The following CHSY1 variants were observed in gnomAD, a reference collection of about 807,000 sequenced individuals.
The protein encoded by CHSY1 is N-acetylgalactosaminyl-proteoglycan 3-beta-glucuronosyltransferase 1.
A neutral mutation model predicts 59.8 loss-of-function variants in CHSY1; 13 were observed. The observed-to-expected ratio is 0.22, with a 90% confidence interval of 0.14 to 0.35. CHSY1 has a LOEUF of 0.35. CHSY1 is among the 10% of genes least tolerant of loss of function. The probability of loss-of-function intolerance (pLI) is 1.00; values close to 1 mark genes in which losing one functional copy is unlikely to be tolerated. For missense variants in CHSY1, 947 were observed against 1,030.6 expected, an observed-to-expected ratio of 0.92 and a Z score of 1.11; for synonymous variants, 459 against 401.2, an observed-to-expected ratio of 1.14 and a Z score of -1.72.
chr15:101,186,171 A>AAAAAAAAAAG (rs2038361122), intron 2 of CHSY1, among the ~76,000 whole-genome samples: 1 of 148,270 alleles, frequency 6.7e-6, no homozygotes, highest in African/African-American at 2.5e-5. Flanking sequence ...AAAAAAAAAA[A>AAAAAAAAAAG]TAGCCAGGGG....
In CHSY1 at chr15:101,238,619, G is replaced by C. The variant is rs371380761; in HGVS notation, c.321-3042C>G. The stretch of plus-strand genomic sequence containing the variant: ...AACTATAAAATGCATCCTAATTTCT[G>C]AGATGTCAAAATCACAGAATGGATA... On this transcript the variant is annotated intron_variant, in intron 1 of 2. Coordinates refer to ENST00000254190, the MANE Select transcript of CHSY1 (RefSeq NM_014918.5). 1.5e-4 allele frequency among the ~76,000 whole-genome samples: 23 copies of C among 152,278 alleles called. 1 individual carries two copies. Among genetic ancestry groups the C allele is most frequent in the East Asian group, 1.2e-3 (6 of 5,194 alleles).
chr15:101,245,579 T>C (rs766704804), intron 1 of CHSY1, among the ~76,000 whole-genome samples: 4 of 152,172 alleles, frequency 2.6e-5, no homozygotes, highest in Non-Finnish European at 4.4e-5. Context: ...AGCAGCTTAG[T>C]TAACAGACAG....
chr15:101,229,511 A>G (rs954770494), intron 2 of CHSY1, among the ~76,000 whole-genome samples: 16 of 152,370 alleles, frequency 1.1e-4, no homozygotes, highest in African/African-American at 3.4e-4. Flanking sequence ...TCAAACAGGT[A>G]TAACAAATAT....
At chr15:101,193,875 C>T (rs2012387) in intron 2 of CHSY1, among the ~76,000 whole-genome samples, 15,966 of 152,258 alleles carry the variant, frequency 0.1, 903 homozygotes, top group East Asian at 0.21. Flanking sequence ...ATGGAGACCA[C>T]TCTGACATCA....
At chr15:101,232,504 T>C (rs915835955) in intron 2 of CHSY1, among the ~76,000 whole-genome samples, 1 of 152,168 alleles carries the variant, frequency 6.6e-6, no homozygotes, top group African/African-American at 2.4e-5. Context: ...AATGAAGAAC[T>C]ACACGTGAAA....
chr15:101,241,359 G>A (rs532844730), intron 1 of CHSY1, among the ~76,000 whole-genome samples: 1 of 152,336 alleles, frequency 6.6e-6, no homozygotes, highest in South Asian at 2.1e-4. Flanking sequence ...AAAGGGCTGG[G>A]ATTACCGGCG....
intron 2 of CHSY1, among the ~76,000 whole-genome samples, chr15:101,200,500 AC>A (rs2038562447): frequency 6.6e-6 from 1 of 152,138 alleles, no homozygotes; most frequent in South Asian, 2.1e-4. Flanking sequence ...TTCAGGGCAA[AC>A]TAACAGTACA....
At chr15:101,233,312 A>G (rs1293664678) in intron 2 of CHSY1, among the ~76,000 whole-genome samples, 6 of 152,200 alleles carry the variant, frequency 3.9e-5, no homozygotes, top group Admixed American at 2.0e-4. Context: ...CCAGCAGTAT[A>G]TAACAGCACG....
At chr15:101,247,548 A>G (rs2039064250) in intron 1 of CHSY1, among the ~76,000 whole-genome samples, 1 of 152,224 alleles carries the variant, frequency 6.6e-6, no homozygotes, top group Non-Finnish European at 1.5e-5. Context: ...GGGGCCATGC[A>G]TGCATGTGCT....
At chr15:101,202,849 C>G (rs576555921) in intron 2 of CHSY1, among the ~76,000 whole-genome samples, 1 of 151,974 alleles carries the variant, frequency 6.6e-6, no homozygotes, top group Non-Finnish European at 1.5e-5. Context: ...GGTAATCAAA[C>G]AAGAAAAAAA....
chr15:101,244,111 CTG>C (rs2039028822), intron 1 of CHSY1, among the ~76,000 whole-genome samples: 2 of 152,212 alleles, frequency 1.3e-5, no homozygotes, highest in Non-Finnish European at 2.9e-5. Flanking sequence ...AGAGATGACA[CTG>C]AATTCAGGTG....
chr15:101,179,622 AG>A (rs2038248107), intron 2 of CHSY1, among the ~76,000 whole-genome samples: 2 of 152,196 alleles, frequency 1.3e-5, no homozygotes, highest in African/African-American at 4.8e-5. Flanking sequence ...CGTACGAGGA[AG>A]GTACCCCTCT....
intron 2 of CHSY1, among the ~76,000 whole-genome samples, chr15:101,233,885 C>T (rs2038914891): frequency 6.6e-6 from 1 of 152,182 alleles, no homozygotes; most frequent in Non-Finnish European, 1.5e-5. Context: ...CAAGTACGTG[C>T]TTTAGAACAT....
At chr15:101,213,529 G>C (rs1341345421) in intron 2 of CHSY1, among the ~76,000 whole-genome samples, 1 of 152,178 alleles carries the variant, frequency 6.6e-6, no homozygotes, top group African/African-American at 2.4e-5. Context: ...AATATTCTAA[G>C]ATTATTCTCA....
intron 2 of CHSY1, among the ~76,000 whole-genome samples, chr15:101,230,350 G>A (rs1415071609): frequency 6.6e-6 from 1 of 152,176 alleles, no homozygotes; most frequent in Non-Finnish European, 1.5e-5. Context: ...GCCTAAATGA[G>A]TGAGGAAGGA....
At position 101,232,433 on chromosome 15, in the gene CHSY1, AAT is replaced by A. The variant is rs201629542; in HGVS notation, c.816+2647_816+2648del. Among the ~76,000 whole-genome samples the A allele has an allele frequency of 1.0e-3, 156 of 152,354 alleles. 3 individuals are homozygous for A. In the East Asian group the frequency reaches 0.03, roughly 29 times the overall value. On this transcript the variant is annotated intron_variant, in intron 2 of 2. Transcript: ENST00000254190. ...AGCTTTATAAAAAGAAAAATAAAAA[AAT>A]AGAAATCAAAGGTCTAATAAGATGG... is the stretch of plus-strand genomic sequence containing the variant.
intron 2 of CHSY1, among the ~76,000 whole-genome samples, chr15:101,211,303 G>A (rs773616175): frequency 3.3e-5 from 5 of 152,198 alleles, no homozygotes; most frequent in African/African-American, 9.6e-5. Flanking sequence ...CAGCCTGTGC[G>A]AAAGAGCGAG....
At chr15:101,226,065 C>T (rs74399391) in intron 2 of CHSY1, among the ~76,000 whole-genome samples, 4,402 of 152,334 alleles carry the variant, frequency 0.029, 295 homozygotes, top group East Asian at 0.19. Context: ...GCAACTAACA[C>T]ATCCATTTTA....
intron 2 of CHSY1, among the ~76,000 whole-genome samples, chr15:101,200,363 G>A (rs1239511159): frequency 6.6e-6 from 1 of 152,144 alleles, no homozygotes; most frequent in East Asian, 1.9e-4. Context: ...AAGAAGACAC[G>A]GGCTGGAGCC....
Sources: allele counts gnomAD v4.1 joint callset (sites outside exome capture counted in the v4.1 genomes callset), GRCh38; gene constraint gnomAD v4.1.1; transcripts MANE v1.5; gene names NCBI Gene and HGNC (gene_info 2026-07-23, HGNC 2026-07-21).